Variants in GRID1 observed in about 807,000 individuals in gnomAD.
GRID1 encodes the protein glutamate ionotropic receptor delta type subunit 1.
In GRID1, 28 loss-of-function variants were observed where a neutral mutation model predicts 98.0. The observed-to-expected ratio is 0.29, with a 90% CI of 0.21 to 0.39. GRID1 has a LOEUF of 0.39. Ranked by LOEUF, GRID1 falls within the 10% of genes least tolerant of loss-of-function variation. GRID1 has a pLI of 1.00. For missense variants in GRID1, 1,111 were observed against 1,340.5 expected (o/e 0.83, Z 2.67); for synonymous variants, 553 against 538.5 (o/e 1.03, Z -0.37).
chr10:86,176,841 G>A (rs1391139775), intron 3 of GRID1, among the ~76,000 whole-genome samples: 1 of 152,116 alleles, frequency 6.6e-6, no homozygotes, highest in Non-Finnish European at 1.5e-5. Flanking sequence ...GTAGATGCAA[G>A]GATGCTTGAA....
At chr10:86,121,724 T>C (rs1195432209) in intron 4 of GRID1, among the ~76,000 whole-genome samples, 2 of 152,130 alleles carry the variant, frequency 1.3e-5, no homozygotes, top group Non-Finnish European at 2.9e-5. Flanking sequence ...ACACTTCAAA[T>C]GACTGTCTTG....
At chr10:85,850,259 C>G (rs900454801) in intron 8 of GRID1, among the ~76,000 whole-genome samples, 1 of 152,198 alleles carries the variant, frequency 6.6e-6, no homozygotes, top group Non-Finnish European at 1.5e-5. Context: ...ACAGCTTCAG[C>G]AATCAGGTCA....
At chr10:85,699,184 C>G (rs1239700467) in intron 12 of GRID1, among the ~76,000 whole-genome samples, 1 of 152,084 alleles carries the variant, frequency 6.6e-6, no homozygotes, top group Non-Finnish European at 1.5e-5. Context: ...TTCCCAGTAG[C>G]TGGAATCACA....
At chr10:86,196,718 G>T (rs1845878072) in intron 3 of GRID1, among the ~76,000 whole-genome samples, 1 of 151,984 alleles carries the variant, frequency 6.6e-6, no homozygotes, top group Non-Finnish European at 1.5e-5. Context: ...TTCCAGTCCT[G>T]ACCCCTGGCA....
At chr10:86,069,316 TC>T (rs1843764243) in intron 4 of GRID1, among the ~76,000 whole-genome samples, 3 of 152,104 alleles carry the variant, frequency 2.0e-5, no homozygotes, top group African/African-American at 7.2e-5. Flanking sequence ...ATGGAGCTGC[TC>T]CAGACCAGAG....
rs757542159 is a variant in GRID1, at chr10:85,854,534, T to C, written c.1195A>G (p.Thr399Ala). ...NPYVQFEILG[T>A]TYSETFGKDM... ...TTGCCAAAAGTCTCACTATAGGTAG[T>C]GCCAAGGATTTCAAACTGGACATAG... Residue 399 changes from threonine to alanine, a missense_variant, in exon 8 of 16, where the codon ACT becomes GCT. Around this residue, in one of 3 missense-constraint regions of GRID1, gnomAD observed 762 missense variants for 869.1 expected, o/e 0.88. Coordinates refer to ENST00000327946, the MANE Select transcript of GRID1 (RefSeq NM_017551.3). 1 of 1,613,762 alleles carries C rather than the reference T, an allele frequency of 6.2e-7. No homozygotes were observed. The highest frequency in any genetic ancestry group is 8.5e-7 in the Non-Finnish European group (1 of 1,179,638).
intron 8 of GRID1, among the ~76,000 whole-genome samples, chr10:85,795,557 T>G (rs1284566121): frequency 6.6e-6 from 1 of 152,162 alleles, no homozygotes; most frequent in Non-Finnish European, 1.5e-5. Context: ...TCTATACACA[T>G]CCTGAAGAAC....
chr10:85,757,105 CA>C (rs1272599680), intron 8 of GRID1, among the ~76,000 whole-genome samples: 3 of 152,198 alleles, frequency 2.0e-5, no homozygotes, highest in Non-Finnish European at 4.4e-5. Context: ...ACCAAGCCAA[CA>C]GGGGGCAAAC....
chr10:85,797,597 G>A (rs572870867), intron 8 of GRID1, among the ~76,000 whole-genome samples: 3 of 151,148 alleles, frequency 2.0e-5, no homozygotes, highest in African/African-American at 7.3e-5. Flanking sequence ...ACCCACTGGG[G>A]GCTAAATCTG....
intron 3 of GRID1, among the ~76,000 whole-genome samples, chr10:86,182,890 T>C (rs553312666): frequency 1.3e-5 from 2 of 152,372 alleles, no homozygotes; most frequent in African/African-American, 4.8e-5. Context: ...TCAGGAGTGA[T>C]GGTTTCTTTG....
chr10:86,191,914 G>A (rs1845808087), intron 3 of GRID1, among the ~76,000 whole-genome samples: 1 of 152,156 alleles, frequency 6.6e-6, no homozygotes, highest in Non-Finnish European at 1.5e-5. Context: ...GATCCATCCT[G>A]CGTCGCTGGG....
At chr10:85,999,224 A>AG (rs950196893) in intron 4 of GRID1, among the ~76,000 whole-genome samples, 13 of 151,002 alleles carry the variant, frequency 8.6e-5, no homozygotes, top group East Asian at 3.9e-4. Context: ...AAAAAAAAAA[A>AG]AAAGAAAGAA....
chr10:85,747,825 G>A (rs978830661), intron 8 of GRID1, among the ~76,000 whole-genome samples: 1 of 152,080 alleles, frequency 6.6e-6, no homozygotes, highest in Non-Finnish European at 1.5e-5. Context: ...GTAAAAGATG[G>A]GTCTTCCCAT....
At chr10:85,853,057 AT>A (rs1843075117) in intron 8 of GRID1, among the ~76,000 whole-genome samples, 1 of 151,882 alleles carries the variant, frequency 6.6e-6, no homozygotes. Flanking sequence ...CCCCCGCACC[AT>A]CCCCCACATC....
intron 4 of GRID1, among the ~76,000 whole-genome samples, chr10:85,992,537 G>A (rs1842693204): frequency 6.6e-6 from 1 of 151,944 alleles, no homozygotes; most frequent in South Asian, 2.1e-4. Flanking sequence ...CAGATTGGAG[G>A]TGGGAGGAAA....
At chr10:85,655,823 T>G (rs751427438) in intron 12 of GRID1, among the ~76,000 whole-genome samples, 1 of 152,210 alleles carries the variant, frequency 6.6e-6, no homozygotes, top group Non-Finnish European at 1.5e-5. Flanking sequence ...TTTTTACTCC[T>G]ATGCATGTCT....
intron 2 of GRID1, among the ~76,000 whole-genome samples, chr10:86,242,025 G>A (rs1045730933): frequency 6.6e-6 from 1 of 152,192 alleles, no homozygotes; most frequent in Admixed American, 6.5e-5. Context: ...TGAAGCAGAT[G>A]GCTTGTAATA....
chr10:85,766,187 T>C (rs1008809049), intron 8 of GRID1, among the ~76,000 whole-genome samples: 1 of 152,238 alleles, frequency 6.6e-6, no homozygotes, highest in African/African-American at 2.4e-5. Flanking sequence ...AAGGGTTTCC[T>C]TAAATTTGAC....
At chr10:85,656,117 G>T (rs981990366) in intron 12 of GRID1, among the ~76,000 whole-genome samples, 19 of 152,070 alleles carry the variant, frequency 1.2e-4, no homozygotes, top group African/African-American at 4.4e-4. Flanking sequence ...GCTTACTCCA[G>T]TTTTCATCCC....
Sources: allele counts gnomAD v4.1 joint callset (sites outside exome capture counted in the v4.1 genomes callset), GRCh38; gene constraint gnomAD v4.1.1; regional missense constraint gnomAD v4.1.1; transcripts MANE v1.5; gene names NCBI Gene and HGNC (gene_info 2026-07-23, HGNC 2026-07-21).